CACNA1E: variants seen among roughly 807,000 people sequenced by gnomAD.
The protein encoded by CACNA1E is calcium voltage-gated channel subunit alpha1 E.
CACNA1E carries 40 observed loss-of-function variants against 259.2 expected under a neutral mutation model. That is an observed-to-expected ratio of 0.15 (90% confidence interval 0.12 to 0.20). The LOEUF (loss-of-function observed/expected upper bound fraction) is 0.20. CACNA1E is among the 10% of genes least tolerant of loss of function. CACNA1E has a pLI of 1.00. For missense variants in CACNA1E, 1,874 were observed against 3,040.1 expected (o/e 0.62, Z 9.02); for synonymous variants, 1,104 against 1,138.5 (o/e 0.97, Z 0.61).
chr1:181,718,910 A>C (rs573852033), intron 12 of CACNA1E, among the ~76,000 whole-genome samples: 4 of 152,366 alleles, frequency 2.6e-5, no homozygotes, highest in African/African-American at 9.6e-5. Context: ...AGTTAGCAGC[A>C]GAACTGGGTC....
intron 2 of CACNA1E, among the ~76,000 whole-genome samples, chr1:181,467,410 G>A (rs1453270701): frequency 6.6e-6 from 1 of 152,178 alleles, no homozygotes. Flanking sequence ...ATTTGAGGGG[G>A]AAACATTGTT....
rs546997589 is a variant in CACNA1E at position 181,486,189 on chromosome 1, G to C, written c.266+2179G>C. 3.3e-5 allele frequency among the ~76,000 whole-genome samples: 5 copies of C among 152,326 alleles called. No homozygotes were observed. The East Asian group carries it at 7.7e-4, about 24-fold the overall frequency. ...AAAAATGGACCAAAGAGAGTCAAACGGGAGACTCTCGAGGGAGTTGATTTC... is the reference window on the plus strand; with the variant it reads ...AAAAATGGACCAAAGAGAGTCAAACCGGAGACTCTCGAGGGAGTTGATTTC... On this transcript the variant is annotated intron_variant, in intron 1 of 47. Coordinates refer to ENST00000367573, the MANE Select transcript of CACNA1E (RefSeq NM_001205293.3).
At chr1:181,534,367 G>A (rs904430713) in intron 3 of CACNA1E, among the ~76,000 whole-genome samples, 5 of 151,988 alleles carry the variant, frequency 3.3e-5, no homozygotes, top group Non-Finnish European at 7.4e-5. Context: ...GCTTATTTTT[G>A]GAGTGATAAT....
At chr1:181,569,215 T>C (rs1370622103) in intron 3 of CACNA1E, among the ~76,000 whole-genome samples, 2 of 152,220 alleles carry the variant, frequency 1.3e-5, no homozygotes, top group Non-Finnish European at 2.9e-5. Context: ...CCATCTTCTC[T>C]ACTGTAATGC....
At chr1:181,704,481 G>A (rs962819432) in intron 7 of CACNA1E, among the ~76,000 whole-genome samples, 2 of 152,124 alleles carry the variant, frequency 1.3e-5, no homozygotes, top group Admixed American at 6.5e-5. Context: ...CTAAAGCAAA[G>A]ACTTTACAGG....
intron 25 of CACNA1E, among the ~76,000 whole-genome samples, chr1:181,743,505 C>T (rs1324020591): frequency 6.6e-6 from 1 of 152,234 alleles, no homozygotes; most frequent in Admixed American, 6.5e-5. Flanking sequence ...TGCTCCCCAA[C>T]CAAAGTCAGC....
Position 181,804,198 on chromosome 1 carries a change from C to A in CACNA1E, c.*5364C>A, listed in dbSNP as rs1276972739. 6.6e-6 allele frequency: 1 copy of A among 152,122 alleles called. No homozygotes were observed. The highest frequency in any genetic ancestry group is 2.4e-5 in the African/African-American group (1 of 41,416). The allele number at this position is 152,122 out of a possible 1,614,324, so 9.4% of individuals were successfully genotyped here. A position where few individuals can be genotyped will look rare whatever the true frequency, so the allele number is the denominator to read the frequency against. ...TGGTTGGTGGCTGGGTTTCTTGTAA[C>A]AGACCTATTCTGGAATAGCAAAGAA... is the stretch of plus-strand genomic sequence containing the variant. On this transcript the variant is annotated 3_prime_UTR_variant, in exon 48 of 48. Coordinates refer to ENST00000367573, the MANE Select transcript of CACNA1E (RefSeq NM_001205293.3).
intron 3 of CACNA1E, among the ~76,000 whole-genome samples, chr1:181,556,304 C>G (rs1648716797): frequency 6.6e-6 from 1 of 152,154 alleles, no homozygotes; most frequent in African/African-American, 2.4e-5. Flanking sequence ...ACTGCTGACC[C>G]CAGGACAGCA....
At chr1:181,410,915 T>A (rs1657798101) in intron 1 of CACNA1E, among the ~76,000 whole-genome samples, 1 of 152,222 alleles carries the variant, frequency 6.6e-6, no homozygotes, top group African/African-American at 2.4e-5. Flanking sequence ...GGAGATGGTG[T>A]CTGGAGGGCA....
intron 1 of CACNA1E, among the ~76,000 whole-genome samples, chr1:181,409,388 C>T (rs1304510983): frequency 6.6e-6 from 1 of 152,172 alleles, no homozygotes; most frequent in East Asian, 1.9e-4. Flanking sequence ...CCAAAATGGT[C>T]ACATGGCCCC....
chr1:181,662,610 C>T (rs1170329652), intron 7 of CACNA1E, among the ~76,000 whole-genome samples: 2 of 152,158 alleles, frequency 1.3e-5, no homozygotes, highest in Non-Finnish European at 2.9e-5. Context: ...TCAGATAATA[C>T]ATGTTAAGTG....
At chr1:181,321,459 C>G (rs1035705200) in intron 1 of CACNA1E, among the ~76,000 whole-genome samples, 3 of 152,188 alleles carry the variant, frequency 2.0e-5, no homozygotes, top group African/African-American at 7.2e-5. Context: ...GCCTGCTTCT[C>G]TCAGGATCAT....
intron 1 of CACNA1E, among the ~76,000 whole-genome samples, chr1:181,385,199 T>C (rs1205958434): frequency 6.6e-6 from 1 of 152,206 alleles, no homozygotes; most frequent in Non-Finnish European, 1.5e-5. Flanking sequence ...TCTTACCTCC[T>C]ACACTGCCAG....
Position 181,758,028 on chromosome 1 carries a change from G to C in CACNA1E, c.4411G>C (p.Val1471Leu), listed in dbSNP as rs915291484. 3.1e-6 allele frequency: 5 copies of C among 1,613,920 alleles called. No homozygotes were observed. The highest frequency in any genetic ancestry group is 1.1e-5 in the South Asian group (1 of 91,076). ...GAACAGACACACCTTCCAGTACCGC[G>C]TGTGGCACTTTGTGGTGTCTCCGTC... Reference protein sequence around the residue: ...PQNRHTFQYRVWHFVVSPSFE... With the variant: ...PQNRHTFQYRLWHFVVSPSFE... Residue 1471 changes from valine to leucine, a missense_variant, in exon 31 of 48, where the codon GTG becomes CTG. Physicochemically the swap from Val to Leu is conservative, Grantham distance 32. This residue lies in a region of CACNA1E where 188 missense variants were observed against 540.6 expected (regional missense o/e 0.35). Transcript: ENST00000367573. The surrounding 1 kb of genome is among the most constrained non-coding windows in gnomAD (Gnocchi z 4.2).
chr1:181,712,994 G>A (rs987895581), intron 8 of CACNA1E, among the ~76,000 whole-genome samples: 5 of 152,184 alleles, frequency 3.3e-5, no homozygotes, highest in Admixed American at 6.5e-5. Context: ...GAAAAAAGAC[G>A]CACTGCGACG....
At chr1:181,733,996 G>A (rs901852740) in intron 21 of CACNA1E, among the ~76,000 whole-genome samples, 2 of 152,192 alleles carry the variant, frequency 1.3e-5, no homozygotes, top group Non-Finnish European at 2.9e-5. Flanking sequence ...TCTTCAGAGT[G>A]ATCACTTGTG....
intron 1 of CACNA1E, among the ~76,000 whole-genome samples, chr1:181,386,730 G>A (rs1446233705): frequency 6.6e-6 from 1 of 152,136 alleles, no homozygotes; most frequent in Non-Finnish European, 1.5e-5. Context: ...AATCAGTATT[G>A]TCTGCTCATC....
chr1:181,636,085 A>AT (rs1263933561), intron 6 of CACNA1E, among the ~76,000 whole-genome samples: 1 of 152,194 alleles, frequency 6.6e-6, no homozygotes, highest in Non-Finnish European at 1.5e-5. Context: ...CTATTCATTT[A>AT]TTTTTCTTTC....
chr1:181,596,379 C>T (rs1321832661), intron 6 of CACNA1E, among the ~76,000 whole-genome samples: 2 of 152,250 alleles, frequency 1.3e-5, no homozygotes, highest in Admixed American at 6.5e-5. Flanking sequence ...GGGTAGCTCC[C>T]CACTTCTTTG....
Sources: gnomAD v4.1 joint callset for allele counts (sites outside exome capture counted in the v4.1 genomes callset) on GRCh38, gnomAD v4.1.1 for gene constraint, gnomAD v4.1.1 regional missense constraint, Gnocchi (gnomAD v3.1) non-coding constraint, MANE v1.5 for transcripts, NCBI Gene and HGNC (gene_info 2026-07-23, HGNC 2026-07-21) for gene names.